Variants in FRMD3 observed in about 807,000 individuals in gnomAD.
The protein encoded by FRMD3 is FERM domain-containing protein 3.
In FRMD3, 33 loss-of-function variants were observed where a neutral mutation model predicts 70.2. That is an observed-to-expected ratio of 0.47 (90% CI 0.36 to 0.63). The LOEUF is 0.63. Ranked by LOEUF, FRMD3 falls within the 20% of genes least tolerant of loss-of-function variation. The pLI, the probability that FRMD3 is intolerant of heterozygous loss-of-function variation, is 0.00. For missense variants in FRMD3, 632 were observed against 711.4 expected (o/e 0.89, Z 1.27); for synonymous variants, 279 against 255.9 (o/e 1.09, Z -0.86).
intron 10 of FRMD3, among the ~76,000 whole-genome samples, chr9:83,308,587 GT>G (rs1381484277): frequency 6.6e-6 from 1 of 152,182 alleles, no homozygotes; most frequent in Non-Finnish European, 1.5e-5. Flanking sequence ...TAGGTTCTTA[GT>G]TGCATCCACT....
At chr9:83,252,341 G>C (rs1832468212) in intron 13 of FRMD3, among the ~76,000 whole-genome samples, 1 of 152,140 alleles carries the variant, frequency 6.6e-6, no homozygotes, top group African/African-American at 2.4e-5. Context: ...TGTCACCACT[G>C]TACCAGCCTT....
chr9:83,312,973 T>C (rs1835420879), intron 7 of FRMD3, among the ~76,000 whole-genome samples: 1 of 152,250 alleles, frequency 6.6e-6, no homozygotes, highest in African/African-American at 2.4e-5. Context: ...CTTAAGAGCC[T>C]AACTGATAAA....
chr9:83,584,418 A>T, the FRMD3 span, among the ~76,000 whole-genome samples: 2 of 151,952 alleles, frequency 1.3e-5, no homozygotes, highest in African/African-American at 4.8e-5. Flanking sequence ...ATTCAGGAGC[A>T]TTTTAACTTC....
chr9:83,255,659 T>C lies in FRMD3; in HGVS notation c.1196-7143A>G, dbSNP rs187889962. ...TCAGCCCCAAATCTCCTTAAGCTGATAAGCAACTTCAGCAAAGTCTCAGGA... is the reference window on the plus strand; with the variant it reads ...TCAGCCCCAAATCTCCTTAAGCTGACAAGCAACTTCAGCAAAGTCTCAGGA... On this transcript the variant is annotated intron_variant, in intron 13 of 13. Coordinates refer to ENST00000304195, the MANE Select transcript of FRMD3 (RefSeq NM_174938.6). 5.2e-3 allele frequency among the ~76,000 whole-genome samples: 785 copies of C among 152,310 alleles called. 8 individuals are homozygous for C. Among genetic ancestry groups the C allele is most frequent in the African/African-American group, 0.018 (743 of 41,570 alleles).
At chr9:83,299,783 G>A (rs1382654540) in intron 10 of FRMD3, among the ~76,000 whole-genome samples, 2 of 152,208 alleles carry the variant, frequency 1.3e-5, no homozygotes, top group Admixed American at 6.5e-5. Context: ...AGTGGTAGAT[G>A]ACTAAGATAC....
intron 1 of FRMD3, among the ~76,000 whole-genome samples, chr9:83,435,653 C>T (rs982507280): frequency 6.6e-6 from 1 of 151,794 alleles, no homozygotes; most frequent in Non-Finnish European, 1.5e-5. Flanking sequence ...ATGAAAGAAC[C>T]TTTTGTTTTG....
chr9:83,249,054 A>C (rs1832274781), intron 13 of FRMD3, among the ~76,000 whole-genome samples: 1 of 152,210 alleles, frequency 6.6e-6, no homozygotes, highest in Non-Finnish European at 1.5e-5. Context: ...AAATTTTAAC[A>C]TAAATATTTT....
rs1835546897 is a variant in FRMD3, at chr9:83,315,838, C to T, written c.597-2091G>A. On this transcript the variant is annotated intron_variant, in intron 6 of 13. Coordinates refer to ENST00000304195, the MANE Select transcript of FRMD3 (RefSeq NM_174938.6). ...TACCTTCCGCTCAAGCCTGCTGCTG[C>T]CCATGACTCAGCACAAAGCAACCAG... 2.0e-5 allele frequency among the ~76,000 whole-genome samples: 3 copies of T among 152,220 alleles called. No homozygotes were observed. In the South Asian group the frequency reaches 6.2e-4, roughly 32 times the overall value.
chr9:83,351,852 TAC>T (rs1270783073), intron 3 of FRMD3, among the ~76,000 whole-genome samples: 1 of 152,216 alleles, frequency 6.6e-6, no homozygotes, highest in Admixed American at 6.5e-5. Context: ...AACTTTCATC[TAC>T]ATTCTTCCCC....
intron 1 of FRMD3, among the ~76,000 whole-genome samples, chr9:83,407,863 CTCTCTCTCTCATCTT>C (rs1564062649): frequency 1.5e-4 from 18 of 119,486 alleles, no homozygotes; most frequent in Non-Finnish European, 2.5e-4. Flanking sequence ...CTCTCTCTCT[CTCTCTCTCTCATCTT>C]TCTCTCTCTC....
intron 13 of FRMD3, among the ~76,000 whole-genome samples, chr9:83,271,137 CTATAAT>C (rs1335510481): frequency 2.0e-5 from 3 of 152,154 alleles, no homozygotes; most frequent in Admixed American, 6.5e-5. Flanking sequence ...TAAATACTAA[CTATAAT>C]TATATCATCA....
chr9:83,251,752 T>G (rs1349158141), intron 13 of FRMD3, among the ~76,000 whole-genome samples: 4 of 152,240 alleles, frequency 2.6e-5, no homozygotes, highest in African/African-American at 9.6e-5. Context: ...ATAGACCAAG[T>G]TGAGCAAAGA....
chr9:83,394,175 C>T (rs779675436), intron 1 of FRMD3, among the ~76,000 whole-genome samples: 2 of 151,906 alleles, frequency 1.3e-5, no homozygotes, highest in East Asian at 1.9e-4. Flanking sequence ...TTTTAGTGTG[C>T]GTTGGATTGC....
chr9:83,480,496 ATT>A (rs11376067), intron 1 of FRMD3, among the ~76,000 whole-genome samples: 21,808 of 142,904 alleles, frequency 0.15, 1,511 homozygotes, highest in East Asian at 0.2. Flanking sequence ...TAAACTAGAG[ATT>A]TTTTTTTTTT....
intron 1 of FRMD3, among the ~76,000 whole-genome samples, chr9:83,430,923 C>T (rs1826957058): frequency 6.6e-6 from 1 of 152,226 alleles, no homozygotes; most frequent in Non-Finnish European, 1.5e-5. Flanking sequence ...ATGCCTGCAC[C>T]ACTTAGTTCC....
At chr9:83,388,354 G>C (rs75778879) in intron 2 of FRMD3, among the ~76,000 whole-genome samples, 1 of 152,100 alleles carries the variant, frequency 6.6e-6, no homozygotes, top group Non-Finnish European at 1.5e-5. Context: ...AGGAGGAGGA[G>C]AGCAAATTAA....
chr9:83,490,214 C>G (rs1383158326), intron 1 of FRMD3, among the ~76,000 whole-genome samples: 1 of 152,162 alleles, frequency 6.6e-6, no homozygotes, highest in East Asian at 1.9e-4. Flanking sequence ...GATGGACACC[C>G]CTGGGGATGG....
At chr9:83,406,000 G>GC (rs1826092199) in intron 1 of FRMD3, among the ~76,000 whole-genome samples, 1 of 151,174 alleles carries the variant, frequency 6.6e-6, no homozygotes, top group Non-Finnish European at 1.5e-5. Flanking sequence ...TTTTTTTCCA[G>GC]CAATTCTATC....
chr9:83,550,418 T>C, the FRMD3 span, among the ~76,000 whole-genome samples: 1 of 152,202 alleles, frequency 6.6e-6, no homozygotes, highest in African/African-American at 2.4e-5. Context: ...AGGATTGCCT[T>C]GGCTATTTGG....
Sources: gnomAD v4.1 joint callset for allele counts (sites outside exome capture counted in the v4.1 genomes callset) on GRCh38, gnomAD v4.1.1 for gene constraint, MANE v1.5 for transcripts, NCBI Gene and HGNC (gene_info 2026-07-23, HGNC 2026-07-21) for gene names.